Variants in HBP1 observed in about 807,000 individuals in gnomAD.
The protein encoded by HBP1 is HMG-box transcription factor 1.
A neutral mutation model predicts 62.6 loss-of-function variants in HBP1; 20 were observed. The ratio of observed to expected loss-of-function variants is 0.32; its 90% confidence interval spans 0.22 to 0.46. The LOEUF (loss-of-function observed/expected upper bound fraction) is 0.46. Among genes scored for constraint, HBP1 ranks in the 20% least tolerant of loss-of-function variants. HBP1 has a pLI of 1.00. For missense variants in HBP1, 480 were observed against 611.8 expected, an observed-to-expected ratio of 0.78 and a Z score of 2.27; for synonymous variants, 232 against 206.2, an observed-to-expected ratio of 1.12 and a Z score of -1.07.
At chr7:107,176,922 G>A (rs1796878816) in intron 1 of HBP1, among the ~76,000 whole-genome samples, 1 of 152,022 alleles carries the variant, frequency 6.6e-6, no homozygotes, top group Non-Finnish European at 1.5e-5. Flanking sequence ...CATCTTTTAG[G>A]GGCTTGAAGT....
At chr7:107,179,765 A>T (rs191667038) in intron 1 of HBP1, 114 bp from the exon 2 acceptor site, 50 of 605,444 alleles carry the variant, frequency 8.3e-5, no homozygotes, top group African/African-American at 7.9e-4. Context: ...GAGTGTGACT[A>T]TGTCTCAAAA....
intron 10 of HBP1, 150 bp from the exon 11 acceptor site, chr7:107,201,264 A>G: frequency 2.1e-6 from 1 of 474,340 alleles, no homozygotes; most frequent in Non-Finnish European, 3.8e-6. Flanking sequence ...TTGAGCCATC[A>G]GATATCAGCT....
At chr7:107,185,685 C>A in intron 3 of HBP1, 116 bp from the exon 4 acceptor site, 1 of 716,824 alleles carries the variant, frequency 1.4e-6, no homozygotes, top group Non-Finnish European at 2.3e-6. Context: ...CTAGTGTTTA[C>A]CATAAATGTG....
intron 9 of HBP1, 30 bp from the exon 10 acceptor site, chr7:107,200,130 T>G (rs1352842622): frequency 6.6e-7 from 1 of 1,508,296 alleles, no homozygotes; most frequent in Non-Finnish European, 8.9e-7. Flanking sequence ...AATGTGTGCT[T>G]TCAGCATTGT....
At chr7:107,189,653 A>G (rs1797553389) in intron 7 of HBP1, among the ~76,000 whole-genome samples, 1 of 152,184 alleles carries the variant, frequency 6.6e-6, no homozygotes, top group African/African-American at 2.4e-5. Context: ...TATTTCCTGT[A>G]TGAGAAATTT....
rs576171643 is a variant in HBP1 at position 107,195,858 on chromosome 7, T to G, written c.1092T>G (p.Ser364=). 2 of 1,601,106 alleles carry G rather than the reference T, an allele frequency of 1.2e-6. No individual in the cohort carries two copies. The highest frequency in any genetic ancestry group is 1.7e-5 in the Admixed American group (1 of 59,938). The part of the protein sequence containing the change: ...FKSYDFTPMD[S]SAVYVLSSMA... ...GCTATGACTTCACACCTATGGATTC[T>G]TCTGCAGTTTATGTGTTAAGTAGTA... is the stretch of plus-strand genomic sequence containing the variant. The change falls in exon 9 of 11, where the codon TCT becomes TCG. Residue 364 remains serine, a synonymous_variant. Transcript: ENST00000222574.
intron 1 of HBP1, among the ~76,000 whole-genome samples, chr7:107,171,858 T>A (rs1226816901): frequency 5.5e-5 from 5 of 90,438 alleles, no homozygotes; most frequent in Admixed American, 1.4e-4. Flanking sequence ...AGACTTCCTC[T>A]CCAAAAAAAA....
chr7:107,200,601 T>C (rs1798196698), intron 10 of HBP1: 2 of 219,666 alleles, frequency 9.1e-6, no homozygotes, highest in African/African-American at 4.6e-5. Flanking sequence ...GGTTGAAAGA[T>C]AAGCATTATT....
chr7:107,185,870 C>T lies in HBP1; in HGVS notation c.468C>T (p.Ser156=), dbSNP rs910129292. 1.9e-6 allele frequency: 3 copies of T among 1,612,532 alleles called. No homozygotes were observed. In the African/African-American group the frequency reaches 4.0e-5, roughly 22 times the overall value. ...CCTATGCACGCCCTCCACCAGTGTC[C>T]TCTTCTTCGAAGAGTGAACCAGCCT... The part of the protein sequence containing the change: ...LHSYARPPPV[S]SSSKSEPAFP... Residue 156 remains serine, a synonymous_variant, in exon 4 of 11, where the codon TCC becomes TCT. Transcript: ENST00000222574.
chr7:107,201,333 C>A, intron 10 of HBP1, 81 bp from the exon 11 acceptor site: 1 of 809,874 alleles, frequency 1.2e-6, no homozygotes, highest in Middle Eastern at 2.3e-4. Flanking sequence ...TTATAAACAT[C>A]TTATACATCT....
At chr7:107,169,684 C>T in intron 1 of HBP1, 2 of 947,684 alleles carry the variant, frequency 2.1e-6, no homozygotes, top group Non-Finnish European at 2.5e-6. Flanking sequence ...CTGAGGAGCT[C>T]GCGGAGCCGC....
intron 1 of HBP1, among the ~76,000 whole-genome samples, chr7:107,177,844 T>G (rs1366189400): frequency 6.6e-6 from 1 of 152,144 alleles, no homozygotes; most frequent in Non-Finnish European, 1.5e-5. Context: ...ATCATATTCC[T>G]TTTTTTCCAA....
Position 107,190,323 on chromosome 7 carries a change from A to ACCT in HBP1, c.1067+6_1067+7insCCT. The ACCT allele has an allele frequency of 6.3e-7, 1 of 1,587,886 alleles. No homozygotes were observed. The highest frequency in any genetic ancestry group is 8.6e-7 in the Non-Finnish European group (1 of 1,160,516). ...GTTTTTGATACATTTAAAAGGTAATATTGGATTAATTCTTTGTTTTATTTT... is the reference window on the plus strand; with the variant it reads ...GTTTTTGATACATTTAAAAGGTAATACCTTTGGATTAATTCTTTGTTTTATTTT... On this transcript the variant is annotated splice_region_variant and intron_variant, in intron 8 of 10. Transcript: ENST00000222574.
chr7:107,175,205 TA>T (rs149259408), intron 1 of HBP1, among the ~76,000 whole-genome samples: 28 of 149,754 alleles, frequency 1.9e-4, no homozygotes, highest in African/African-American at 2.2e-4. Flanking sequence ...AGACCTCTTT[TA>T]AAAAAAAAAA....
chr7:107,185,336 C>A (rs1797300552), intron 3 of HBP1, among the ~76,000 whole-genome samples: 1 of 152,150 alleles, frequency 6.6e-6, no homozygotes, highest in Non-Finnish European at 1.5e-5. Flanking sequence ...TAAGGTAGTT[C>A]TTGTATCTGC....
In HBP1 at chr7:107,186,617, T is replaced by C. The variant is rs140624770; in HGVS notation, c.701T>C (p.Val234Ala). 6.2e-7 allele frequency: 1 copy of C among 1,613,700 alleles called. No homozygotes were observed. The highest frequency in any genetic ancestry group is 1.3e-5 in the African/African-American group (1 of 74,920). ...GGAAGCAATAAGGAATGGCAAGATG[T>C]TGAAGATTTTGCTAGAGCTGAAGGC... ...HKGSNKEWQD[V>A]EDFARAEGCD... Residue 234 changes from valine (V) to alanine (A), a missense_variant, in exon 6 of 11, where the codon GTT becomes GCT. Around this residue, in one of 4 missense-constraint regions of HBP1, gnomAD observed 304 missense variants for 330.9 expected, o/e 0.92. Transcript: ENST00000222574.
rs1797883739 is a variant in HBP1, at chr7:107,196,057, C to T, written c.1291C>T (p.Pro431Ser). The T allele has an allele frequency of 1.2e-6, 2 of 1,613,202 alleles. No individual in the cohort carries two copies. Among genetic ancestry groups the T allele is most frequent in the East Asian group, 2.2e-5 (1 of 44,878 alleles). The part of the protein sequence containing the change: ...HSSGTVSATS[P>S]NKCKRPMNAF... ...CTCAGGGACTGTGAGTGCCACTTCT[C>T]CTAATAAGTGCAAAAGACCAATGAA... Residue 431 changes from proline to serine, a missense_variant, in exon 9 of 11, where the codon CCT (proline) becomes TCT (serine). Coordinates refer to ENST00000222574, the MANE Select transcript of HBP1 (RefSeq NM_012257.4).
At chr7:107,199,419 T>C (rs569407531) in intron 9 of HBP1, among the ~76,000 whole-genome samples, 72 of 152,324 alleles carry the variant, frequency 4.7e-4, no homozygotes, top group Admixed American at 1.6e-3. Flanking sequence ...TGCAGCACAA[T>C]GTTTAACTGC....
At chr7:107,181,561 T>A (rs915812865) in intron 2 of HBP1, among the ~76,000 whole-genome samples, 1 of 151,936 alleles carries the variant, frequency 6.6e-6, no homozygotes, top group Non-Finnish European at 1.5e-5. Flanking sequence ...TATACATACT[T>A]TTATAGTGAC....
Sources: allele counts gnomAD v4.1 joint callset (sites outside exome capture counted in the v4.1 genomes callset), GRCh38; gene constraint gnomAD v4.1.1; regional missense constraint gnomAD v4.1.1; transcripts MANE v1.5; gene names NCBI Gene and HGNC (gene_info 2026-07-23, HGNC 2026-07-21).